SMOC2: variants seen among roughly 807,000 people sequenced by gnomAD.
SMOC2 encodes the protein SPARC related modular calcium binding 2, also known as SPARC-related modular calcium-binding protein 2.
A neutral mutation model predicts 61.4 loss-of-function variants in SMOC2; 39 were observed. The ratio of observed to expected loss-of-function variants is 0.64; its 90% CI spans 0.49 to 0.83. The LOEUF (loss-of-function observed/expected upper bound fraction) is 0.83, where lower values mean the gene tolerates loss of function less well. Among genes scored for constraint, SMOC2 ranks in the 40% least tolerant of loss-of-function variants. The pLI is 0.00. For synonymous variants in SMOC2, 247 were observed against 239.9 expected, an observed-to-expected ratio of 1.03 and a Z score of -0.27; for missense variants, 556 against 592.9, an observed-to-expected ratio of 0.94 and a Z score of 0.65.
At chr6:168,559,261 G>C (rs1784334751) in intron 7 of SMOC2, among the ~76,000 whole-genome samples, 2 of 152,012 alleles carry the variant, frequency 1.3e-5, no homozygotes, top group Admixed American at 6.6e-5. Context: ...TTCGAGACCA[G>C]CCTGGCCAAC....
chr6:168,629,170 G>A (rs540632132), intron 9 of SMOC2, among the ~76,000 whole-genome samples: 1 of 152,354 alleles, frequency 6.6e-6, no homozygotes, highest in South Asian at 2.1e-4. Flanking sequence ...TGCACACAAT[G>A]TGTGACACCA....
intron 8 of SMOC2, among the ~76,000 whole-genome samples, chr6:168,599,754 A>T: frequency 1.7e-5 from 2 of 114,318 alleles, no homozygotes; most frequent in East Asian, 2.8e-4. Flanking sequence ...ACCCACACTC[A>T]TACAATCCCC....
chr6:168,472,856 C>T (rs1185219741), intron 1 of SMOC2, among the ~76,000 whole-genome samples: 1 of 152,116 alleles, frequency 6.6e-6, no homozygotes, highest in Admixed American at 6.5e-5. Flanking sequence ...AAGCACTGCA[C>T]TGGAGCATCG....
chr6:168,581,322 T>C (rs1405213535), intron 7 of SMOC2, among the ~76,000 whole-genome samples: 1 of 150,990 alleles, frequency 6.6e-6, no homozygotes, highest in African/African-American at 2.4e-5. Flanking sequence ...AAAAAAAAAA[T>C]GAAAACCCCT....
At chr6:168,555,533 C>A (rs1053858709) in intron 7 of SMOC2, among the ~76,000 whole-genome samples, 25 of 152,194 alleles carry the variant, frequency 1.6e-4, no homozygotes, top group African/African-American at 5.8e-4. Flanking sequence ...CCTCTGCCAG[C>A]ACCCTGCTCC....
intron 4 of SMOC2, among the ~76,000 whole-genome samples, chr6:168,538,387 G>C (rs1175554200): frequency 1.5e-5 from 2 of 133,394 alleles, no homozygotes; most frequent in Admixed American, 7.5e-5. Context: ...GTGGGGAGTG[G>C]GGTGACCCCT....
At chr6:168,548,157 G>A (rs1020494189) in intron 6 of SMOC2, among the ~76,000 whole-genome samples, 11 of 152,072 alleles carry the variant, frequency 7.2e-5, no homozygotes, top group East Asian at 1.9e-4. Context: ...CTGATGCTGC[G>A]TGGTCCTAAG....
intron 2 of SMOC2, among the ~76,000 whole-genome samples, chr6:168,521,899 ATGCCT>A (rs1783337438): frequency 6.6e-6 from 1 of 152,176 alleles, no homozygotes; most frequent in Non-Finnish European, 1.5e-5. Flanking sequence ...GTTGTTAGTG[ATGCCT>A]TGCTAAGCAA....
chr6:168,574,016 C>T (rs1436361552), intron 7 of SMOC2, among the ~76,000 whole-genome samples: 1 of 152,110 alleles, frequency 6.6e-6, no homozygotes. Context: ...GGGCCTTGCG[C>T]CCACCACAGG....
chr6:168,497,606 C>T (rs1782623040), intron 1 of SMOC2, among the ~76,000 whole-genome samples: 1 of 152,144 alleles, frequency 6.6e-6, no homozygotes, highest in East Asian at 1.9e-4. Flanking sequence ...GAGCAAGAGG[C>T]CTGCCCCCGG....
chr6:168,585,406 C>T (rs1287299744), intron 7 of SMOC2, among the ~76,000 whole-genome samples: 1 of 152,212 alleles, frequency 6.6e-6, no homozygotes, highest in Non-Finnish European at 1.5e-5. Flanking sequence ...AATTTACATG[C>T]ATGATTGTAG....
At chr6:168,472,280 C>T (rs985437257) in intron 1 of SMOC2, among the ~76,000 whole-genome samples, 11 of 150,928 alleles carry the variant, frequency 7.3e-5, no homozygotes, top group African/African-American at 2.4e-5. Flanking sequence ...CCCAGTTTTC[C>T]GAATACCAGC....
At chr6:168,665,518 C>T (rs9455684) in intron 12 of SMOC2, among the ~76,000 whole-genome samples, 20,128 of 152,276 alleles carry the variant, frequency 0.13, 3,486 homozygotes, top group African/African-American at 0.4. Flanking sequence ...GAAGGGATCA[C>T]GGGAAGGTGC....
In SMOC2 at chr6:168,453,114, TGAG is replaced by T. The variant is rs1781501300; in HGVS notation, c.84+11663_84+11665del. On this transcript the variant is annotated intron_variant, in intron 1 of 12. Coordinates refer to ENST00000356284, the MANE Select transcript of SMOC2 (RefSeq NM_001166412.2). This position sits in a 1 kb window ranked among gnomAD's most constrained non-coding sequence, Gnocchi z 4.4. ...GCCGGACACTCAGGGCAATCTGCCC[TGAG>T]GAATTCAGGGCAGTGTGGCTTGAAT... Among the ~76,000 whole-genome samples the T allele has an allele frequency of 3.3e-5, 5 of 151,336 alleles. No homozygotes were observed. The highest frequency in any genetic ancestry group is 2.4e-5 in the African/African-American group (1 of 41,070).
chr6:168,514,659 G>A (rs1201911719), intron 2 of SMOC2, among the ~76,000 whole-genome samples: 4 of 152,210 alleles, frequency 2.6e-5, no homozygotes, highest in African/African-American at 9.7e-5. Flanking sequence ...GTTTTTACAA[G>A]TGATCGCCTA....
chr6:168,666,773 T>C lies in SMOC2; in HGVS notation c.*335T>C, dbSNP rs1787673311. 1 of 287,188 alleles carries C rather than the reference T, an allele frequency of 3.5e-6. No homozygotes were observed. Among genetic ancestry groups the C allele is most frequent in the Admixed American group, 5.0e-5 (1 of 20,188 alleles). The allele number at this position is 287,188 out of a possible 1,614,324, so 17.8% of individuals were successfully genotyped here. ...TGCACTCCGGCTGCAATCGTATGGC[T>C]TTCTCTAACCCCTGCAGTCACTTCC... On this transcript the variant is annotated 3_prime_UTR_variant, in exon 13 of 13. Coordinates refer to ENST00000356284, the MANE Select transcript of SMOC2 (RefSeq NM_001166412.2).
At chr6:168,556,367 C>A (rs1372324926) in intron 7 of SMOC2, among the ~76,000 whole-genome samples, 1 of 152,152 alleles carries the variant, frequency 6.6e-6, no homozygotes, top group African/African-American at 2.4e-5. Context: ...TAAGGGGAGT[C>A]CGGCTCTGCA....
At chr6:168,542,456 A>C (rs979418817) in intron 4 of SMOC2, among the ~76,000 whole-genome samples, 4 of 152,204 alleles carry the variant, frequency 2.6e-5, no homozygotes. Flanking sequence ...CCAAACGCAT[A>C]TTATTTAGTT....
At chr6:168,599,206 A>C (rs1289161139) in intron 8 of SMOC2, among the ~76,000 whole-genome samples, 2 of 121,986 alleles carry the variant, frequency 1.6e-5, no homozygotes, top group African/African-American at 3.2e-5. Flanking sequence ...CCACACACAC[A>C]CTCATACCCA....
Sources: gnomAD v4.1 joint callset for allele counts (sites outside exome capture counted in the v4.1 genomes callset) on GRCh38, gnomAD v4.1.1 for gene constraint, Gnocchi (gnomAD v3.1) non-coding constraint, MANE v1.5 for transcripts, NCBI Gene and HGNC (gene_info 2026-07-23, HGNC 2026-07-21) for gene names.